FANCB: variants seen among roughly 807,000 people sequenced by gnomAD.
The protein encoded by FANCB is FA complementation group B.
FANCB carries 5 observed loss-of-function variants against 38.9 expected under a neutral mutation model. That is an observed-to-expected ratio of 0.13 (90% CI 0.07 to 0.27). The LOEUF (loss-of-function observed/expected upper bound fraction) is 0.27, where lower values mean the gene tolerates loss of function less well. Among genes scored for constraint, FANCB ranks in the 10% least tolerant of loss-of-function variants. FANCB has a pLI of 1.00. For missense variants in FANCB, 573 were observed against 602.7 expected (o/e 0.95, Z 0.52); for synonymous variants, 236 against 215.4 (o/e 1.10, Z -0.84).
the FANCB span, among the ~76,000 whole-genome samples, chrX:14,708,558 C>T: frequency 1.8e-5 from 2 of 111,995 alleles, no homozygotes; most frequent in Admixed American, 9.5e-5. Context: ...CTCATCACTC[C>T]GTGACCTGCC....
intron 6 of FANCB, 56 bp downstream of exon 6, chrX:14,852,983 T>A (rs2092407885): frequency 7.4e-6 from 8 of 1,085,018 alleles, no homozygotes; most frequent in Non-Finnish European, 1.0e-5. Context: ...AACTTTTCAA[T>A]AGCTTATAGA....
the FANCB span, among the ~76,000 whole-genome samples, chrX:14,752,458 A>G: frequency 8.9e-6 from 1 of 112,519 alleles, no homozygotes; most frequent in East Asian, 2.8e-4. Context: ...CTTTCCATTT[A>G]GTCTAAGATA....
rs1301946611 is a variant in FANCB at position 14,844,893 on chromosome X, C to T, written c.1890G>A (p.Gly630=). 1.7e-6 allele frequency: 2 copies of T among 1,201,821 alleles called. No homozygotes were observed. Among genetic ancestry groups the T allele is most frequent in the Admixed American group, 2.3e-5 (1 of 44,368 alleles). The change falls in exon 8 of 10, where the codon GGG becomes GGA. Residue 630 remains glycine (G), a synonymous_variant. Transcript: ENST00000650831. ...TCTTTGGAAATGTCAGTAGGTACTT[C>T]CCAGTTGAAAGATCTTCTAGACTTA... ...VFLSLEDLST[G]KYLLTFPKKK... is the part of the protein sequence containing the mutation.
the FANCB span, among the ~76,000 whole-genome samples, chrX:14,798,626 G>C: frequency 8.9e-6 from 1 of 111,957 alleles, no homozygotes; most frequent in Non-Finnish European, 1.9e-5. Context: ...TAAGTATGAA[G>C]TCAAAAACTT....
chrX:14,786,565 A>G, the FANCB span, among the ~76,000 whole-genome samples: 458 of 111,396 alleles, frequency 4.1e-3, 1 homozygote, highest in African/African-American at 0.014. Flanking sequence ...TATTTGTGCT[A>G]ATGCCTATCC....
At chrX:14,781,060 C>T in the FANCB span, among the ~76,000 whole-genome samples, 1 of 109,768 alleles carries the variant, frequency 9.1e-6, no homozygotes, top group Non-Finnish European at 1.9e-5. Flanking sequence ...AAAAAACCAA[C>T]AAAGTATGTG....
the FANCB span, among the ~76,000 whole-genome samples, chrX:14,744,719 G>T: frequency 2.7e-5 from 3 of 111,733 alleles, no homozygotes; most frequent in East Asian, 5.6e-4. Flanking sequence ...ATACCTGGAG[G>T]GTCTAAAATG....
At chrX:14,745,856 T>C in the FANCB span, among the ~76,000 whole-genome samples, 3 of 107,699 alleles carry the variant, frequency 2.8e-5, no homozygotes, top group Admixed American at 1.0e-4. Flanking sequence ...CCCACCACCA[T>C]GACCGGCTAA....
chrX:14,735,445 T>C, the FANCB span, among the ~76,000 whole-genome samples: 360 of 112,216 alleles, frequency 3.2e-3, 1 homozygote, highest in African/African-American at 0.011. Context: ...TTGATGTTGA[T>C]GCTATTCCTT....
the FANCB span, among the ~76,000 whole-genome samples, chrX:14,724,365 C>T: frequency 5.4e-5 from 6 of 110,323 alleles, no homozygotes; most frequent in African/African-American, 2.0e-4. Context: ...GTGGCTCACA[C>T]CTGTAATCCC....
At chrX:14,771,837 G>A in the FANCB span, among the ~76,000 whole-genome samples, 2 of 111,597 alleles carry the variant, frequency 1.8e-5, no homozygotes, top group African/African-American at 3.3e-5. Context: ...ATTTTTTGTT[G>A]TTCATGTTGT....
downstream of FANCB, among the ~76,000 whole-genome samples, chrX:14,841,792 G>A (rs1190264156): frequency 9.0e-6 from 1 of 111,107 alleles, no homozygotes; most frequent in Non-Finnish European, 1.9e-5. Context: ...CTTCAACTTC[G>A]GCTTTTCTAG....
the FANCB span, among the ~76,000 whole-genome samples, chrX:14,778,474 A>G: frequency 8.9e-6 from 1 of 111,958 alleles, no homozygotes; most frequent in African/African-American, 3.2e-5. Flanking sequence ...AATGGTGCTT[A>G]ACTGTACTAA....
At chrX:14,691,339 G>A in the FANCB span, among the ~76,000 whole-genome samples, 11 of 103,495 alleles carry the variant, frequency 1.1e-4, no homozygotes, top group Admixed American at 7.3e-4. Context: ...GCGTGCGTGC[G>A]TGTACATCAC....
chrX:14,844,464 C>T (rs757409736), intron 9 of FANCB, 39 bp downstream of exon 9: 2 of 971,873 alleles, frequency 2.1e-6, no homozygotes, highest in Admixed American at 2.2e-5. Flanking sequence ...CTCATACACA[C>T]TCACTTCTCT....
intron 5 of FANCB, among the ~76,000 whole-genome samples, chrX:14,856,908 T>C (rs2092425389): frequency 8.9e-6 from 1 of 112,328 alleles, no homozygotes; most frequent in South Asian, 3.6e-4. Flanking sequence ...GATAACTAAA[T>C]ATATTTGAAT....
the FANCB span, among the ~76,000 whole-genome samples, chrX:14,728,271 T>C: frequency 9.0e-6 from 1 of 110,768 alleles, no homozygotes; most frequent in East Asian, 2.8e-4. Context: ...CTCATACCTG[T>C]AGTCCCAGCT....
At chrX:14,788,583 G>T in the FANCB span, among the ~76,000 whole-genome samples, 1 of 111,904 alleles carries the variant, frequency 8.9e-6, no homozygotes, top group Admixed American at 9.5e-5. Flanking sequence ...AGCCTAACAC[G>T]GCATCAGCTG....
chrX:14,751,404 C>T, the FANCB span, among the ~76,000 whole-genome samples: 1 of 111,781 alleles, frequency 8.9e-6, no homozygotes, highest in African/African-American at 3.3e-5. Flanking sequence ...CGTGTGATTC[C>T]ATTTATATAA....
Sources: gnomAD v4.1 joint callset for allele counts (sites outside exome capture counted in the v4.1 genomes callset) on GRCh38, gnomAD v4.1.1 for gene constraint, MANE v1.5 for transcripts, NCBI Gene and HGNC (gene_info 2026-07-23, HGNC 2026-07-21) for gene names.